IL16: variants seen among roughly 807,000 people sequenced by gnomAD.
The protein encoded by IL16 is interleukin 16.
IL16 carries 67 observed loss-of-function variants against 110.1 expected under a neutral mutation model. The observed-to-expected ratio is 0.61, with a 90% CI of 0.50 to 0.75. The LOEUF is 0.75. IL16 is among the 30% of genes least tolerant of loss of function. The pLI is 0.00. For synonymous variants in IL16, 689 were observed against 662.9 expected (o/e 1.04, Z -0.61); for missense variants, 1,545 against 1,655.0 (o/e 0.93, Z 1.15).
intron 2 of IL16, among the ~76,000 whole-genome samples, chr15:81,238,828 T>TTC (rs1342816288): frequency 1.2e-5 from 1 of 85,480 alleles, no homozygotes; most frequent in Non-Finnish European, 2.5e-5. Context: ...ATTCTTTTAG[T>TTC]TTTTTTTTTT....
chr15:81,306,758 G>A, intron 18 of IL16: 2 of 616,984 alleles, frequency 3.2e-6, no homozygotes, highest in Non-Finnish European at 5.8e-6. Context: ...GTTTTGATGG[G>A]TCTTCAAAAA....
intron 1 of IL16, among the ~76,000 whole-genome samples, chr15:81,218,644 TATC>T (rs1291650314): frequency 1.3e-5 from 2 of 152,206 alleles, no homozygotes; most frequent in East Asian, 3.8e-4. Flanking sequence ...TCCTTGTAAA[TATC>T]ATCCCCCAGC....
At chr15:81,255,011 A>T (rs1457188626) in intron 2 of IL16, among the ~76,000 whole-genome samples, 1 of 151,970 alleles carries the variant, frequency 6.6e-6, no homozygotes, top group Admixed American at 6.5e-5. Context: ...GATAATTGAC[A>T]AGCTCAGAGT....
intron 6 of IL16, among the ~76,000 whole-genome samples, chr15:81,276,911 C>T (rs985289675): frequency 4.6e-5 from 7 of 151,914 alleles, no homozygotes; most frequent in African/African-American, 7.3e-5. Flanking sequence ...CAAAGAGGAG[C>T]GTTAGCCCTT....
intron 1 of IL16, among the ~76,000 whole-genome samples, chr15:81,201,299 CCA>C (rs1304533299): frequency 6.7e-6 from 1 of 150,276 alleles, no homozygotes; most frequent in Non-Finnish European, 1.5e-5. Context: ...ACACCCCCAT[CCA>C]CACACACACA....
chr15:81,196,577 G>A (rs189260744), upstream of IL16, among the ~76,000 whole-genome samples: 12 of 152,308 alleles, frequency 7.9e-5, no homozygotes, highest in South Asian at 8.3e-4. Flanking sequence ...TCCTAGCAGC[G>A]TGCCAGGCAC....
chr15:81,290,344 A>T, intron 10 of IL16, 109 bp from the exon 11 acceptor site: 1 of 660,572 alleles, frequency 1.5e-6, no homozygotes, highest in Non-Finnish European at 2.6e-6. Context: ...AGTGGGTTGA[A>T]ATAAAATAAT....
intron 8 of IL16, 108 bp from the exon 9 acceptor site, chr15:81,282,531 T>C (rs1322498505): frequency 2.5e-6 from 2 of 796,854 alleles, no homozygotes; most frequent in African/African-American, 3.4e-5. Flanking sequence ...ACGGGTGGGA[T>C]GAAAGCTGTA....
At chr15:81,282,577 C>T (rs1280335073) in intron 8 of IL16, 62 bp from the exon 9 acceptor site, 15 of 1,233,114 alleles carry the variant, frequency 1.2e-5, no homozygotes, top group African/African-American at 2.9e-5. Flanking sequence ...ACCCAATCGA[C>T]GAGTAGGCCC....
chr15:81,197,520 AG>A (rs1474047245), intron 1 of IL16, among the ~76,000 whole-genome samples: 1 of 152,088 alleles, frequency 6.6e-6, no homozygotes, highest in East Asian at 1.9e-4. Flanking sequence ...GCAGCAGGAG[AG>A]AGAAAGGCCA....
At position 81,265,756 on chromosome 15, in the gene IL16, G is replaced by C; in HGVS notation, c.519G>C (p.Arg173Ser). ...DRQPYSLCSNRKSLSQQLDCP... is the reference protein window; with the variant it reads ...DRQPYSLCSNSKSLSQQLDCP... ...AGCCTTACTCTCTCTGCAGTAACAG[G>C]AAGTCCCTCTCTCAACAATTGGACT... is the stretch of plus-strand genomic sequence containing the variant. The change falls in exon 4 of 19, where the codon AGG becomes AGC. Residue 173 changes from arginine (R) to serine (S), a missense_variant. By Grantham distance (110) the Arg-to-Ser change is moderately radical. Around this residue, in one of 3 missense-constraint regions of IL16, gnomAD observed 1,185 missense variants for 1,238.8 expected, o/e 0.96. Transcript: ENST00000683961. The C allele has an allele frequency of 6.2e-7, 1 of 1,613,840 alleles. No individual in the cohort carries two copies.
At chr15:81,297,657 C>G (rs1469728092) in intron 13 of IL16, among the ~76,000 whole-genome samples, 1 of 152,142 alleles carries the variant, frequency 6.6e-6, no homozygotes, top group Non-Finnish European at 1.5e-5. Context: ...TCTGAGCAAC[C>G]TACTTTGCCT....
Position 81,279,642 on chromosome 15 carries a change from C to G in IL16, c.949C>G (p.Leu317Val), listed in dbSNP as rs759681017. The change falls in exon 8 of 19, where the codon CTG becomes GTG. Residue 317 changes from leucine (L) to valine (V), a missense_variant. Physicochemically the swap from Leu to Val is conservative, Grantham distance 32. Coordinates refer to ENST00000683961, the MANE Select transcript of IL16 (RefSeq NM_172217.5). Reference sequence around the variant, plus strand: ...CCTGTGCAGCCACCTGTCTCCCCCACTGTGCCGCTCCCTGAGCTCCAGCAC... The same window carrying G: ...CCTGTGCAGCCACCTGTCTCCCCCAGTGTGCCGCTCCCTGAGCTCCAGCAC... ...PSLCSHLSPP[L>V]CRSLSSSTCI... The G allele has an allele frequency of 2.0e-5, 32 of 1,614,144 alleles. No individual in the cohort carries two copies. The South Asian group carries it at 3.2e-4, about 16-fold the overall frequency.
chr15:81,291,929 G>T (rs147895875), intron 11 of IL16: 6 of 456,094 alleles, frequency 1.3e-5, no homozygotes, highest in African/African-American at 1.2e-4. Context: ...TACAGATGCA[G>T]AAATGGAGTT....
intron 2 of IL16, among the ~76,000 whole-genome samples, chr15:81,226,810 C>T (rs898923278): frequency 2.6e-5 from 4 of 152,030 alleles, no homozygotes; most frequent in African/African-American, 9.7e-5. Flanking sequence ...CGCCAGGCTC[C>T]CAGGCTGCCA....
chr15:81,277,992 G>T (rs1191540628), intron 6 of IL16, among the ~76,000 whole-genome samples: 1 of 152,170 alleles, frequency 6.6e-6, no homozygotes, highest in East Asian at 1.9e-4. Context: ...CAAGTATACT[G>T]TTGTGAAAAA....
chr15:81,283,502 C>T (rs1224793943), intron 9 of IL16, among the ~76,000 whole-genome samples: 1 of 152,192 alleles, frequency 6.6e-6, no homozygotes, highest in Non-Finnish European at 1.5e-5. Flanking sequence ...CGGACCCAGA[C>T]CTGCTGAACG....
At chr15:81,301,793 G>C (rs1298833851) in intron 15 of IL16, among the ~76,000 whole-genome samples, 2 of 152,202 alleles carry the variant, frequency 1.3e-5, no homozygotes, top group Non-Finnish European at 2.9e-5. Context: ...TACAGAACCT[G>C]GGTTTTCTGT....
In IL16 at chr15:81,231,068, G is replaced by C. The variant is rs181101776; in HGVS notation, c.312+5357G>C. Among the ~76,000 whole-genome samples the C allele has an allele frequency of 2.4e-3, 367 of 152,232 alleles. 2 individuals carry two copies. The highest frequency in any genetic ancestry group is 3.3e-3 in the Non-Finnish European group (222 of 68,006). ...ATAAATCATTTTCTGGCTGGGCACA[G>C]TGGCTCATGCCTGTAATCCCAGAAT... On this transcript the variant is annotated intron_variant, in intron 2 of 18. Coordinates refer to ENST00000683961, the MANE Select transcript of IL16 (RefSeq NM_172217.5).
Sources: allele counts gnomAD v4.1 joint callset (sites outside exome capture counted in the v4.1 genomes callset), GRCh38; gene constraint gnomAD v4.1.1; regional missense constraint gnomAD v4.1.1; transcripts MANE v1.5; gene names NCBI Gene and HGNC (gene_info 2026-07-23, HGNC 2026-07-21).